The following SCMH1 variants were observed in gnomAD, a reference collection of about 807,000 sequenced individuals.
SCMH1 encodes the protein Scm polycomb group protein homolog 1, also known as polycomb protein SCMH1.
In SCMH1, 37 loss-of-function variants were observed where a neutral mutation model predicts 70.8. The ratio of observed to expected loss-of-function variants is 0.52; its 90% CI spans 0.40 to 0.69. The LOEUF (loss-of-function observed/expected upper bound fraction) is 0.69. SCMH1 is among the 30% of genes least tolerant of loss of function. The probability of loss-of-function intolerance (pLI) is 0.00; values close to 1 mark genes in which losing one functional copy is unlikely to be tolerated. For synonymous variants in SCMH1, 292 were observed against 307.4 expected, an observed-to-expected ratio of 0.95 and a Z score of 0.52; for missense variants, 607 against 827.3, an observed-to-expected ratio of 0.73 and a Z score of 3.27.
intron 8 of SCMH1, among the ~76,000 whole-genome samples, chr1:41,105,884 T>TC (rs1667766598): frequency 6.6e-6 from 1 of 152,100 alleles, no homozygotes; most frequent in East Asian, 1.9e-4. Flanking sequence ...ATAGTTTTTT[T>TC]TTTTTTTTGA....
chr1:41,185,342 C>A (rs1049796374), intron 2 of SCMH1, among the ~76,000 whole-genome samples: 4 of 152,154 alleles, frequency 2.6e-5, no homozygotes, highest in African/African-American at 9.7e-5. Flanking sequence ...CACACCACCA[C>A]GACTGGCTAC....
intron 2 of SCMH1, among the ~76,000 whole-genome samples, chr1:41,169,525 G>A (rs547676318): frequency 2.0e-4 from 31 of 152,260 alleles, no homozygotes; most frequent in Non-Finnish European, 3.8e-4. Flanking sequence ...TAGTCCCCTT[G>A]GCTCCCAGAG....
intron 10 of SCMH1, among the ~76,000 whole-genome samples, chr1:41,063,012 T>C (rs1653307446): frequency 6.6e-6 from 1 of 151,926 alleles, no homozygotes; most frequent in African/African-American, 2.4e-5. Flanking sequence ...AAAGGGTGAC[T>C]TATAGCACTG....
intron 8 of SCMH1, among the ~76,000 whole-genome samples, chr1:41,090,372 T>C (rs1399231988): frequency 1.3e-5 from 2 of 152,234 alleles, no homozygotes; most frequent in Non-Finnish European, 2.9e-5. Context: ...AGAAGGCAGT[T>C]AGATGCTCAT....
At chr1:41,171,661 C>T (rs1322268469) in intron 2 of SCMH1, among the ~76,000 whole-genome samples, 1 of 152,010 alleles carries the variant, frequency 6.6e-6, no homozygotes, top group African/African-American at 2.4e-5. Context: ...TAAATCTCAC[C>T]AAATTTAAGA....
chr1:41,209,877 G>C (rs10889890), intron 1 of SCMH1, among the ~76,000 whole-genome samples: 1 of 152,280 alleles, frequency 6.6e-6, no homozygotes, highest in Non-Finnish European at 1.5e-5. Context: ...TCAGGCAAGA[G>C]AAAGAAATAA....
intron 5 of SCMH1, among the ~76,000 whole-genome samples, chr1:41,146,598 T>C (rs1250453654): frequency 6.6e-6 from 1 of 152,154 alleles, no homozygotes; most frequent in Non-Finnish European, 1.5e-5. Flanking sequence ...CATAGACGAA[T>C]ACCATTGTGT....
rs1444788132 is a variant in SCMH1 at position 41,058,130 on chromosome 1, A to G, written c.1106-9240T>C. On this transcript the variant is annotated intron_variant, in intron 10 of 14. Coordinates refer to ENST00000337495, the Ensembl canonical transcript of SCMH1. ...AGGGAGATTGTCTCAAAAAAAAAAA[A>G]AAAAAGAAAAAGAAAAAAAATGAAA... Among the ~76,000 whole-genome samples, 8 of 150,054 alleles carry G rather than the reference A, an allele frequency of 5.3e-5. No individual in the cohort carries two copies. In the South Asian group the frequency reaches 8.6e-4, roughly 16 times the overall value.
At chr1:41,157,041 C>G (rs542849018) in intron 4 of SCMH1, among the ~76,000 whole-genome samples, 1 of 150,948 alleles carries the variant, frequency 6.6e-6, no homozygotes, top group South Asian at 2.1e-4. Flanking sequence ...ACTGTAACCC[C>G]GATCTGGACT....
chr1:41,056,795 G>A (rs1203547378), intron 10 of SCMH1, among the ~76,000 whole-genome samples: 1 of 152,186 alleles, frequency 6.6e-6, no homozygotes, highest in Non-Finnish European at 1.5e-5. Flanking sequence ...AGTCACTGGG[G>A]AGGAGGGGGA....
chr1:41,086,659 A>C (rs1661762605), intron 8 of SCMH1, among the ~76,000 whole-genome samples: 1 of 152,026 alleles, frequency 6.6e-6, no homozygotes, highest in Non-Finnish European at 1.5e-5. Context: ...AGTCCCAGCT[A>C]CTCAGGAGGC....
intron 1 of SCMH1, among the ~76,000 whole-genome samples, chr1:41,228,829 C>T (rs903496874): frequency 4.6e-5 from 7 of 151,764 alleles, no homozygotes; most frequent in African/African-American, 1.7e-4. Context: ...CTGAAAGCAA[C>T]GTGGAAGATG....
chr1:41,065,241 G>C lies in SCMH1; in HGVS notation c.1105+5354C>G, dbSNP rs528848269. ...CTCACACCTGTAATCCCAGCACTTT[G>C]GGAGATCAAGGTGGGAAGACTGCAT... is the stretch of plus-strand genomic sequence containing the variant. On this transcript the variant is annotated intron_variant, in intron 10 of 14. Coordinates refer to ENST00000337495, the Ensembl canonical transcript of SCMH1. Among the ~76,000 whole-genome samples the C allele has an allele frequency of 2.6e-5, 4 of 152,194 alleles. No individual in the cohort carries two copies. In the East Asian group the frequency reaches 7.8e-4, roughly 30 times the overall value.
intron 1 of SCMH1, among the ~76,000 whole-genome samples, chr1:41,199,546 G>C (rs773049921): frequency 6.6e-6 from 1 of 151,930 alleles, no homozygotes; most frequent in Non-Finnish European, 1.5e-5. Flanking sequence ...TTTTTAAGCT[G>C]AACTTTGGAA....
intron 1 of SCMH1, among the ~76,000 whole-genome samples, chr1:41,189,824 C>G (rs1000706742): frequency 6.6e-6 from 1 of 152,206 alleles, no homozygotes; most frequent in African/African-American, 2.4e-5. Flanking sequence ...CTTTGTCCTA[C>G]AGGCAGTCCT....
chr1:41,038,798 C>T (rs1271795953), intron 12 of SCMH1, among the ~76,000 whole-genome samples: 1 of 152,124 alleles, frequency 6.6e-6, no homozygotes, highest in East Asian at 1.9e-4. Context: ...AAATGACTAA[C>T]AGGGTCCCAT....
chr1:41,215,690 T>C (rs976665007), intron 1 of SCMH1, among the ~76,000 whole-genome samples: 1 of 152,154 alleles, frequency 6.6e-6, no homozygotes, highest in African/African-American at 2.4e-5. Flanking sequence ...TAGATAATCA[T>C]TTCCTCTTGT....
At chr1:41,152,050 T>C (rs139382714) in intron 4 of SCMH1, among the ~76,000 whole-genome samples, 2 of 152,326 alleles carry the variant, frequency 1.3e-5, no homozygotes, top group Admixed American at 1.3e-4. Flanking sequence ...TTGAACAATC[T>C]GACTCTTGGA....
intron 10 of SCMH1, among the ~76,000 whole-genome samples, chr1:41,060,875 T>C (rs1652384213): frequency 6.6e-6 from 1 of 152,148 alleles, no homozygotes; most frequent in Admixed American, 6.5e-5. Context: ...GCCAAGACCT[T>C]GTTGCCAAGG....
Sources: allele counts gnomAD v4.1 joint callset (sites outside exome capture counted in the v4.1 genomes callset), GRCh38; gene constraint gnomAD v4.1.1; transcripts MANE v1.5; gene names NCBI Gene and HGNC (gene_info 2026-07-23, HGNC 2026-07-21).